The following CEP63 variants were observed in gnomAD, a reference collection of about 807,000 sequenced individuals.
CEP63 encodes centrosomal protein of 63 kDa.
In CEP63, 84 loss-of-function variants were observed where a neutral mutation model predicts 89.1. The observed-to-expected ratio is 0.94, with a 90% CI of 0.79 to 1.13. The LOEUF (loss-of-function observed/expected upper bound fraction) is 1.13. Ranked by LOEUF, CEP63 falls within the 50% of genes most tolerant of loss-of-function variation. The pLI is 0.00. For missense variants in CEP63, 838 were observed against 813.3 expected (o/e 1.03, Z -0.37); for synonymous variants, 267 against 272.5 (o/e 0.98, Z 0.20).
chr3:134,534,618 G>T (rs1399878080), intron 5 of CEP63, among the ~76,000 whole-genome samples: 1 of 151,890 alleles, frequency 6.6e-6, no homozygotes, highest in Non-Finnish European at 1.5e-5. Flanking sequence ...CCTCATATTT[G>T]CTTGGCAGAA....
At chr3:134,491,348 C>G (rs149641726) in intron 1 of CEP63, among the ~76,000 whole-genome samples, 49 of 152,212 alleles carry the variant, frequency 3.2e-4, no homozygotes, top group African/African-American at 1.1e-3. Context: ...CATATTTTTA[C>G]TGTCATTTGT....
the CEP63 span, among the ~76,000 whole-genome samples, chr3:134,744,766 C>T: frequency 6.6e-6 from 1 of 152,194 alleles, no homozygotes; most frequent in Non-Finnish European, 1.5e-5. Flanking sequence ...AATCCTCCCT[C>T]CTCTTCCTTC....
the CEP63 span, among the ~76,000 whole-genome samples, chr3:134,683,313 G>A: frequency 6.6e-6 from 1 of 152,148 alleles, no homozygotes; most frequent in Non-Finnish European, 1.5e-5. Flanking sequence ...GAGTGTGAAG[G>A]TTGCTAAGAG....
the CEP63 span, among the ~76,000 whole-genome samples, chr3:134,778,285 C>T: frequency 4.0e-5 from 6 of 150,542 alleles, no homozygotes; most frequent in South Asian, 6.4e-4. Flanking sequence ...TTAGTAGAGA[C>T]GGGGTTTCAC....
At chr3:134,603,448 C>CA in the CEP63 span, 1 of 775,158 alleles carries the variant, frequency 1.3e-6, no homozygotes, top group Non-Finnish European at 2.1e-6. Flanking sequence ...AGAGGTGGGA[C>CA]ACTGAGGCAG....
intron 3 of CEP63, among the ~76,000 whole-genome samples, chr3:134,519,570 AAAGAT>A (rs1157607325): frequency 2.0e-5 from 3 of 152,234 alleles, no homozygotes; most frequent in African/African-American, 7.2e-5. Flanking sequence ...GAACAGAAGA[AAAGAT>A]AAGATTTTCC....
At chr3:134,714,478 C>A in the CEP63 span, among the ~76,000 whole-genome samples, 1 of 152,162 alleles carries the variant, frequency 6.6e-6, no homozygotes, top group Non-Finnish European at 1.5e-5. Context: ...TCCCCACAAC[C>A]AACAGCACAG....
intron 5 of CEP63, 134 bp downstream of exon 5, chr3:134,533,034 A>G (rs1950151881): frequency 3.4e-6 from 3 of 885,816 alleles, no homozygotes; most frequent in Non-Finnish European, 5.4e-6. Flanking sequence ...TTCAGAGGTG[A>G]GAGGGTGATC....
At chr3:134,577,558 G>T (rs1452904611), downstream of CEP63, among the ~76,000 whole-genome samples, 1 of 147,816 alleles carries the variant, frequency 6.8e-6, no homozygotes, top group Non-Finnish European at 1.5e-5. Flanking sequence ...TCCCCAAGTA[G>T]TTGGGACTAC....
At chr3:134,630,396 A>T in the CEP63 span, among the ~76,000 whole-genome samples, 1 of 134,314 alleles carries the variant, frequency 7.4e-6, no homozygotes, top group Non-Finnish European at 1.7e-5. Flanking sequence ...GAGGGCAAAT[A>T]TTTACTGTTT....
chr3:134,731,940 G>C, the CEP63 span, among the ~76,000 whole-genome samples: 4 of 152,182 alleles, frequency 2.6e-5, no homozygotes, highest in African/African-American at 9.7e-5. Context: ...TCAGCCAAGG[G>C]AAAGGGGCTT....
chr3:134,631,860 G>A, the CEP63 span, among the ~76,000 whole-genome samples: 1 of 151,878 alleles, frequency 6.6e-6, no homozygotes, highest in Admixed American at 6.6e-5. Flanking sequence ...AGTGTAAATG[G>A]TCTAAACACA....
chr3:134,632,079 T>C, the CEP63 span, among the ~76,000 whole-genome samples: 1 of 151,974 alleles, frequency 6.6e-6, no homozygotes, highest in Admixed American at 6.6e-5. Context: ...CAACCTTCAA[T>C]AGGCATACGT....
the CEP63 span, among the ~76,000 whole-genome samples, chr3:134,650,611 C>G: frequency 4.6e-5 from 7 of 152,214 alleles, no homozygotes; most frequent in African/African-American, 1.7e-4. Flanking sequence ...GGGAGTGAAA[C>G]TGGGGCAATC....
chr3:134,649,747 C>T, the CEP63 span, among the ~76,000 whole-genome samples: 1 of 152,350 alleles, frequency 6.6e-6, no homozygotes, highest in South Asian at 2.1e-4. Context: ...GCAGCTCCAG[C>T]CTATGTGGCT....
rs965303019 is a variant in CEP63, at chr3:134,494,796, A to G, written c.-25-500A>G. 2.0e-5 allele frequency among the ~76,000 whole-genome samples: 3 copies of G among 152,236 alleles called. No individual in the cohort carries two copies. The South Asian group carries it at 6.2e-4, about 31-fold the overall frequency. On this transcript the variant is annotated intron_variant, in intron 1 of 14. Coordinates refer to ENST00000675561, the MANE Select transcript of CEP63 (RefSeq NM_001353108.3). The stretch of plus-strand genomic sequence containing the variant: ...TCGGTGGAGAGAGGATGTTGCATGC[A>G]GGAAGCTCTATGAGCCTGTCTTCAG...
intron 2 of CEP63, among the ~76,000 whole-genome samples, chr3:134,505,060 C>G (rs562828431): frequency 1.3e-5 from 2 of 152,274 alleles, no homozygotes; most frequent in Non-Finnish European, 2.9e-5. Context: ...TTCTATCTCA[C>G]TGAGTTTATT....
chr3:134,569,825 A>C (rs2110273061), downstream of CEP63, among the ~76,000 whole-genome samples: 1 of 152,314 alleles, frequency 6.6e-6, no homozygotes, highest in East Asian at 1.9e-4. Flanking sequence ...ATGAAGACCC[A>C]ACCTCTGCAG....
the CEP63 span, among the ~76,000 whole-genome samples, chr3:134,742,445 C>A: frequency 6.6e-6 from 1 of 152,078 alleles, no homozygotes; most frequent in Non-Finnish European, 1.5e-5. Flanking sequence ...TGTGTGTCTC[C>A]TTTGCTGGAT....
Sources: allele counts gnomAD v4.1 joint callset (sites outside exome capture counted in the v4.1 genomes callset), GRCh38; gene constraint gnomAD v4.1.1; transcripts MANE v1.5; gene names NCBI Gene and HGNC (gene_info 2026-07-23, HGNC 2026-07-21).